MTSS1: variants seen among roughly 807,000 people sequenced by gnomAD.
The protein encoded by MTSS1 is MTSS I-BAR domain containing 1, also known as protein MTSS 1.
A neutral mutation model predicts 79.0 loss-of-function variants in MTSS1; 18 were observed. The observed-to-expected ratio is 0.23, with a 90% confidence interval of 0.16 to 0.34. The LOEUF (loss-of-function observed/expected upper bound fraction) is 0.34, where lower values mean the gene tolerates loss of function less well. Among genes scored for constraint, MTSS1 ranks in the 10% least tolerant of loss-of-function variants. The pLI, the probability that MTSS1 is intolerant of heterozygous loss-of-function variation, is 1.00. For synonymous variants in MTSS1, 341 were observed against 368.6 expected (o/e 0.93, Z 0.86); for missense variants, 815 against 986.2 (o/e 0.83, Z 2.33).
chr8:124,567,535 C>A, intron 7 of MTSS1: 1 of 1,212,190 alleles, frequency 8.2e-7, no homozygotes, highest in Non-Finnish European at 1.1e-6. Flanking sequence ...TCTGAAGTTG[C>A]TTAGCTTCAA....
chr8:124,646,562 C>T (rs1359257399), intron 3 of MTSS1, among the ~76,000 whole-genome samples: 1 of 152,046 alleles, frequency 6.6e-6, no homozygotes, highest in Non-Finnish European at 1.5e-5. Flanking sequence ...ATAGCAAGAT[C>T]CCTAGAAACT....
chr8:124,621,567 C>A (rs1238268369), intron 3 of MTSS1, among the ~76,000 whole-genome samples: 2 of 151,996 alleles, frequency 1.3e-5, no homozygotes, highest in African/African-American at 4.8e-5. Context: ...TTTTTTGAGA[C>A]GGCGTCTCGC....
chr8:124,614,510 G>C (rs547185405), intron 3 of MTSS1, among the ~76,000 whole-genome samples: 53 of 152,314 alleles, frequency 3.5e-4, no homozygotes, highest in African/African-American at 1.3e-3. Flanking sequence ...ACCAGTGGCA[G>C]AGCCACCAGC....
rs1276894835 is a variant in MTSS1 at position 124,562,786 on chromosome 8, T to G, written c.1031A>C (p.Asn344Thr). 7 of 1,613,610 alleles carry G rather than the reference T, an allele frequency of 4.3e-6. No homozygotes were observed. The highest frequency in any genetic ancestry group is 5.9e-6 in the Non-Finnish European group (7 of 1,179,770). Reference protein sequence around the residue: ...SPSPMPPEAPNQLSNGFSHYS... With the variant: ...SPSPMPPEAPTQLSNGFSHYS... The stretch of plus-strand genomic sequence containing the variant: ...TGGAGCCAAGGGCACCCTTACCTGG[T>G]TGGGGGCCTCTGGCGGCATGGGGGA... The change falls in exon 10 of 14, where the codon AAC becomes ACC. Residue 344 changes from asparagine (N) to threonine (T), a missense_variant. This residue lies in a region of MTSS1 where 590 missense variants were observed against 620.8 expected (regional missense o/e 0.95). Transcript: ENST00000518547.
intron 3 of MTSS1, among the ~76,000 whole-genome samples, chr8:124,669,440 C>T (rs1823720392): frequency 6.6e-6 from 1 of 152,202 alleles, no homozygotes; most frequent in Admixed American, 6.5e-5. Context: ...ATGAAATGAA[C>T]ACTTTTAATG....
At chr8:124,707,400 AAAACAAACAAAC>A (rs1159213115) in intron 1 of MTSS1, among the ~76,000 whole-genome samples, 4 of 95,242 alleles carry the variant, frequency 4.2e-5, no homozygotes, top group African/African-American at 1.1e-4. Context: ...TACAAAAAAA[AAAACAAACAAAC>A]AAACAAACAA....
At chr8:124,667,024 A>G (rs76725450) in intron 3 of MTSS1, among the ~76,000 whole-genome samples, 3,934 of 152,282 alleles carry the variant, frequency 0.026, 168 homozygotes, top group African/African-American at 0.089. Flanking sequence ...ATCTAGTCTC[A>G]CTAGTTATAT....
chr8:124,700,053 C>T (rs144552331), intron 2 of MTSS1, among the ~76,000 whole-genome samples: 3,888 of 151,894 alleles, frequency 0.026, 159 homozygotes, highest in African/African-American at 0.089. Context: ...GCAGAAGAAT[C>T]GCTTGAGACC....
chr8:124,659,542 C>T (rs1026848390), intron 3 of MTSS1, among the ~76,000 whole-genome samples: 5 of 152,162 alleles, frequency 3.3e-5, no homozygotes, highest in African/African-American at 9.7e-5. Flanking sequence ...GCTCATTTCT[C>T]AGGAGATTAA....
chr8:124,592,305 T>C (rs1832006544), intron 3 of MTSS1, among the ~76,000 whole-genome samples: 2 of 152,184 alleles, frequency 1.3e-5, no homozygotes, highest in Non-Finnish European at 2.9e-5. Flanking sequence ...GGAGAGCAAA[T>C]TATAACCACA....
In MTSS1 at chr8:124,680,918, A is replaced by G. The variant is rs1379721585; in HGVS notation, c.208+18608T>C. 2.6e-5 allele frequency among the ~76,000 whole-genome samples: 4 copies of G among 152,168 alleles called. No homozygotes were observed. In the East Asian group the frequency reaches 5.8e-4, roughly 22 times the overall value. Reference sequence around the variant, plus strand: ...TAGGGGAGGATGGTTCGGCAAGGTCACCAAGACCCTCCTGGCCAGAGTGGG... The same window carrying G: ...TAGGGGAGGATGGTTCGGCAAGGTCGCCAAGACCCTCCTGGCCAGAGTGGG... On this transcript the variant is annotated intron_variant, in intron 3 of 13. Coordinates refer to ENST00000518547, the MANE Select transcript of MTSS1 (RefSeq NM_014751.6).
Position 124,563,254 on chromosome 8 carries a change from T to C in MTSS1, c.825-262A>G, listed in dbSNP as rs1018456427. On this transcript the variant is annotated intron_variant, in intron 9 of 13. Transcript: ENST00000518547. ...CTGCCAGGACTCAGGTCTCCGATGG[T>C]AACCATGTGGCATTCTTACGAGGGA... is the stretch of plus-strand genomic sequence containing the variant. 1.6e-5 allele frequency: 8 copies of C among 493,640 alleles called. No homozygotes were observed. The Admixed American group carries it at 2.9e-4, about 18-fold the overall frequency. 30.6% of individuals were successfully genotyped at this position (493,640 alleles called of 1,614,324 possible).
intron 3 of MTSS1, among the ~76,000 whole-genome samples, chr8:124,643,963 G>A (rs1264278104): frequency 6.6e-6 from 1 of 152,032 alleles, no homozygotes; most frequent in Non-Finnish European, 1.5e-5. Flanking sequence ...GTTTGTGGGT[G>A]TGGGTATGTG....
chr8:124,706,266 T>G (rs1278700383), intron 1 of MTSS1, among the ~76,000 whole-genome samples: 1 of 152,184 alleles, frequency 6.6e-6, no homozygotes, highest in East Asian at 1.9e-4. Context: ...CTTCTGGGAG[T>G]TAAAATCTGG....
intron 3 of MTSS1, among the ~76,000 whole-genome samples, chr8:124,635,344 A>C (rs981968564): frequency 1.3e-5 from 2 of 152,232 alleles, no homozygotes; most frequent in African/African-American, 4.8e-5. Flanking sequence ...GTACACAGAG[A>C]AGCTCTGGTT....
At chr8:124,564,013 C>T (rs1359692021) in intron 9 of MTSS1, among the ~76,000 whole-genome samples, 3 of 151,892 alleles carry the variant, frequency 2.0e-5, no homozygotes, top group East Asian at 3.9e-4. Flanking sequence ...CACCTATAAT[C>T]GCAGCTACTT....
intron 3 of MTSS1, among the ~76,000 whole-genome samples, chr8:124,664,777 C>T (rs540355163): frequency 4.6e-5 from 7 of 152,166 alleles, no homozygotes; most frequent in South Asian, 2.1e-4. Context: ...ACACTACCAC[C>T]GTCACCACCA....
At chr8:124,599,119 T>C (rs1833288567) in intron 3 of MTSS1, among the ~76,000 whole-genome samples, 1 of 152,238 alleles carries the variant, frequency 6.6e-6, no homozygotes, top group Non-Finnish European at 1.5e-5. Context: ...AGGGACCCTG[T>C]GCGCTTGAAC....
chr8:124,605,258 G>A (rs1030166694), intron 3 of MTSS1, among the ~76,000 whole-genome samples: 10 of 152,316 alleles, frequency 6.6e-5, no homozygotes, highest in Non-Finnish European at 1.0e-4. Flanking sequence ...ACTCGATGAC[G>A]CCAGCTCCTG....
Sources: gnomAD v4.1 joint callset for allele counts (sites outside exome capture counted in the v4.1 genomes callset) on GRCh38, gnomAD v4.1.1 for gene constraint, gnomAD v4.1.1 regional missense constraint, MANE v1.5 for transcripts, NCBI Gene and HGNC (gene_info 2026-07-23, HGNC 2026-07-21) for gene names.